Variants in EPRS1 observed in about 807,000 individuals in gnomAD.
EPRS1 encodes glutamyl-prolyl-tRNA synthetase 1, also known as bifunctional glutamate/proline--tRNA ligase.
In EPRS1, 107 loss-of-function variants were observed where a neutral mutation model predicts 188.3. The ratio of observed to expected loss-of-function variants is 0.57; its 90% CI spans 0.49 to 0.67. The LOEUF is 0.67. Ranked by LOEUF, EPRS1 falls within the 30% of genes least tolerant of loss-of-function variation. EPRS1 has a pLI of 0.00. For synonymous variants in EPRS1, 596 were observed against 593.1 expected, an observed-to-expected ratio of 1.00 and a Z score of -0.07; for missense variants, 1,577 against 1,802.2, an observed-to-expected ratio of 0.88 and a Z score of 2.26.
intron 13 of EPRS1, 120 bp from the exon 14 acceptor site, chr1:220,007,458 T>C (rs919958342): frequency 2.2e-6 from 2 of 890,904 alleles, no homozygotes; most frequent in Non-Finnish European, 3.4e-6. Context: ...TACTAAACTG[T>C]TAGCAGTTCA....
chr1:219,979,970 T>C (rs1479434214), intron 26 of EPRS1, 115 bp downstream of exon 26: 18 of 850,612 alleles, frequency 2.1e-5, no homozygotes, highest in Non-Finnish European at 3.0e-5. Context: ...TATACGAAAG[T>C]ACATGAAACA....
chr1:219,981,228 A>G (rs1476722462), intron 24 of EPRS1, 150 bp downstream of exon 24: 1 of 528,466 alleles, frequency 1.9e-6, no homozygotes, highest in Non-Finnish European at 3.3e-6. Context: ...ATTTTATATA[A>G]TAAGTAATCA....
chr1:220,013,663 GAAGA>G (rs1388524153), intron 12 of EPRS1, among the ~76,000 whole-genome samples: 1 of 152,166 alleles, frequency 6.6e-6, no homozygotes, highest in Non-Finnish European at 1.5e-5. Context: ...CAGAGCTTGA[GAAGA>G]AAGACAGAGC....
chr1:219,989,541 A>T (rs1360092934), intron 18 of EPRS1, among the ~76,000 whole-genome samples: 2 of 152,164 alleles, frequency 1.3e-5, no homozygotes, highest in African/African-American at 2.4e-5. Context: ...AATAGATAGG[A>T]AAAGTGTCTC....
At chr1:220,039,571 T>C (rs570511396) in intron 2 of EPRS1, among the ~76,000 whole-genome samples, 20 of 150,406 alleles carry the variant, frequency 1.3e-4, no homozygotes, top group Non-Finnish European at 2.9e-4. Flanking sequence ...CAGGCTGGAG[T>C]GCAGTGGCGC....
chr1:220,010,061 A>G (rs1661568929), intron 13 of EPRS1, among the ~76,000 whole-genome samples: 1 of 139,850 alleles, frequency 7.2e-6, no homozygotes, highest in Non-Finnish European at 1.5e-5. Context: ...ATGCCACTGC[A>G]CTCCAACCTG....
At chr1:220,044,384 C>G (rs1314040480) in intron 1 of EPRS1, among the ~76,000 whole-genome samples, 1 of 152,074 alleles carries the variant, frequency 6.6e-6, no homozygotes, top group African/African-American at 2.4e-5. Context: ...TTCTGTAATA[C>G]ACTACAGAAA....
chr1:220,043,370 C>T lies in EPRS1; in HGVS notation c.46+2973G>A, dbSNP rs184014368. 3.9e-5 allele frequency among the ~76,000 whole-genome samples: 6 copies of T among 152,062 alleles called. No individual in the cohort carries two copies. The East Asian group carries it at 9.6e-4, about 24-fold the overall frequency. ...AATTGTAACTTCTTGAGTATTTTTG[C>T]TATGATTTTTTTAAATGGGAAAAAG... On this transcript the variant is annotated intron_variant, in intron 1 of 31. Coordinates refer to ENST00000366923, the MANE Select transcript of EPRS1 (RefSeq NM_004446.3).
rs147523615 is a variant in EPRS1, at chr1:220,024,377, A to G, written c.830T>C (p.Met277Thr). ...TTGAATTAGCTTCTCTGCATACTTC[A>G]TTATAGTTTCAAAATGATCCGAAGT... ...TYTSDHFETI[M>T]KYAEKLIQEG... The change falls in exon 8 of 32, where the codon ATG (methionine) becomes ACG (threonine). Residue 277 changes from methionine to threonine, a missense_variant. Met to Thr is a moderately conservative substitution (Grantham distance 81). Transcript: ENST00000366923. 1.6e-5 allele frequency: 25 copies of G among 1,612,376 alleles called. No homozygotes were observed. In the African/African-American group the frequency reaches 1.6e-4, roughly 10 times the overall value.
At chr1:220,045,008 T>C (rs1232208739) in intron 1 of EPRS1, among the ~76,000 whole-genome samples, 3 of 152,226 alleles carry the variant, frequency 2.0e-5, no homozygotes, top group Admixed American at 6.5e-5. Flanking sequence ...GCAACCAATA[T>C]GCCAAAACAT....
intron 12 of EPRS1, among the ~76,000 whole-genome samples, chr1:220,014,803 C>T (rs1179684550): frequency 2.0e-5 from 3 of 152,128 alleles, no homozygotes; most frequent in African/African-American, 7.2e-5. Flanking sequence ...TATTTCCCCA[C>T]ATTAAACATA....
At chr1:220,032,903 C>T (rs142330322) in intron 4 of EPRS1, among the ~76,000 whole-genome samples, 2 of 151,896 alleles carry the variant, frequency 1.3e-5, no homozygotes, top group African/African-American at 2.4e-5. Context: ...TATATACACA[C>T]ACATATATAT....
intron 3 of EPRS1, among the ~76,000 whole-genome samples, chr1:220,034,027 A>T (rs1483217434): frequency 6.6e-6 from 1 of 152,146 alleles, no homozygotes; most frequent in Non-Finnish European, 1.5e-5. Context: ...TGAAAAATTT[A>T]AAAGTTAGTA....
intron 18 of EPRS1, among the ~76,000 whole-genome samples, chr1:219,993,076 A>T (rs1372812093): frequency 1.3e-5 from 2 of 152,140 alleles, no homozygotes; most frequent in African/African-American, 4.8e-5. Flanking sequence ...CTCTATGAGC[A>T]ATACAAAAAT....
intron 12 of EPRS1, among the ~76,000 whole-genome samples, chr1:220,016,323 A>C (rs1478816542): frequency 6.6e-6 from 1 of 151,450 alleles, no homozygotes; most frequent in East Asian, 1.9e-4. Flanking sequence ...CAGCCTAAGT[A>C]ACAGGGTGAG....
intron 5 of EPRS1, 84 bp downstream of exon 5, chr1:220,032,303 G>A (rs1662101203): frequency 2.8e-6 from 3 of 1,062,400 alleles, no homozygotes; most frequent in Non-Finnish European, 4.0e-6. Flanking sequence ...ATTCAGGATG[G>A]TCTCAATCTC....
chr1:220,037,886 G>A (rs1662217158), intron 2 of EPRS1, among the ~76,000 whole-genome samples: 1 of 152,050 alleles, frequency 6.6e-6, no homozygotes, highest in African/African-American at 2.4e-5. Context: ...AGTTTTACAT[G>A]AAAAGCAATT....
intron 6 of EPRS1, among the ~76,000 whole-genome samples, chr1:220,028,176 A>G (rs1662019823): frequency 6.6e-6 from 1 of 152,222 alleles, no homozygotes; most frequent in Non-Finnish European, 1.5e-5. Flanking sequence ...ATTGTGGTGT[A>G]CTTTTAACTT....
intron 7 of EPRS1, 32 bp from the exon 8 acceptor site, chr1:220,024,488 T>C: frequency 6.6e-7 from 1 of 1,520,534 alleles, no homozygotes; most frequent in South Asian, 1.2e-5. Flanking sequence ...ACCATCAGTA[T>C]ATCTTTTGCA....
Sources: allele counts gnomAD v4.1 joint callset (sites outside exome capture counted in the v4.1 genomes callset), GRCh38; gene constraint gnomAD v4.1.1; transcripts MANE v1.5; gene names NCBI Gene and HGNC (gene_info 2026-07-23, HGNC 2026-07-21).